CALD1: variants seen among roughly 807,000 people sequenced by gnomAD.
CALD1 encodes caldesmon.
Under a neutral mutation model 99.9 loss-of-function variants are expected in CALD1, and 33 were observed. That is an observed-to-expected ratio of 0.33 (90% CI 0.25 to 0.44). The LOEUF is 0.44. Among genes scored for constraint, CALD1 ranks in the 20% least tolerant of loss-of-function variants. The probability of loss-of-function intolerance (pLI) is 1.00; values close to 1 mark genes in which losing one functional copy is unlikely to be tolerated. For synonymous variants in CALD1, 310 were observed against 325.0 expected (o/e 0.95, Z 0.50); for missense variants, 861 against 962.1 (o/e 0.89, Z 1.39).
chr7:134,911,921 A>G (rs762912960), intron 3 of CALD1, among the ~76,000 whole-genome samples: 6 of 152,212 alleles, frequency 3.9e-5, no homozygotes, highest in Admixed American at 3.3e-4. Flanking sequence ...AACTGGAACA[A>G]CCACAGAGAT....
At chr7:134,965,054 C>T (rs1161889149) in intron 13 of CALD1, among the ~76,000 whole-genome samples, 4 of 151,936 alleles carry the variant, frequency 2.6e-5, no homozygotes, top group South Asian at 4.2e-4. Flanking sequence ...AGATGGAGGT[C>T]GCAGTGAGCC....
intron 2 of CALD1, among the ~76,000 whole-genome samples, chr7:134,859,368 G>T (rs542384697): frequency 1.3e-5 from 2 of 152,264 alleles, no homozygotes; most frequent in South Asian, 4.1e-4. Context: ...TTGCCTTAGG[G>T]TTTACGCTTG....
chr7:134,825,981 CTAGTT>C (rs1798974668), intron 1 of CALD1, among the ~76,000 whole-genome samples: 1 of 152,068 alleles, frequency 6.6e-6, no homozygotes, highest in South Asian at 2.1e-4. Flanking sequence ...CCTACACACT[CTAGTT>C]TAGCCCTTTC....
At chr7:134,964,475 C>T (rs1365469288) in intron 13 of CALD1, among the ~76,000 whole-genome samples, 2 of 152,166 alleles carry the variant, frequency 1.3e-5, no homozygotes, top group Non-Finnish European at 1.5e-5. Context: ...AATAATATTG[C>T]ACCAACATTC....
At chr7:134,832,839 T>A (rs1039206629) in intron 1 of CALD1, among the ~76,000 whole-genome samples, 5 of 152,268 alleles carry the variant, frequency 3.3e-5, no homozygotes, top group Non-Finnish European at 7.3e-5. Context: ...GTAGCTCTGC[T>A]CAAGGTTCTG....
At chr7:134,925,908 C>G (rs1285422676) in intron 3 of CALD1, among the ~76,000 whole-genome samples, 2 of 152,168 alleles carry the variant, frequency 1.3e-5, no homozygotes, top group Non-Finnish European at 2.9e-5. Context: ...ATTGAGACTT[C>G]CTGTTTGATT....
intron 2 of CALD1, among the ~76,000 whole-genome samples, chr7:134,859,800 C>T (rs2132272670): frequency 6.6e-6 from 1 of 152,260 alleles, no homozygotes; most frequent in East Asian, 1.9e-4. Flanking sequence ...CCTAAAGTCC[C>T]TAAACATGGT....
chr7:134,751,804 T>C (rs1233191119), intron 1 of CALD1, among the ~76,000 whole-genome samples: 1 of 151,978 alleles, frequency 6.6e-6, no homozygotes, highest in African/African-American at 2.4e-5. Flanking sequence ...GGCGAAACCC[T>C]ATCTCTACCA....
intron 6 of CALD1, among the ~76,000 whole-genome samples, chr7:134,937,636 CAA>C (rs564323364): frequency 5.1e-5 from 5 of 97,270 alleles, no homozygotes; most frequent in Admixed American, 1.1e-4. Flanking sequence ...CCTTTTTGTA[CAA>C]AAAAAAAAAA....
chr7:134,935,786 A>G, intron 6 of CALD1, 21 bp downstream of exon 6: 1 of 1,560,586 alleles, frequency 6.4e-7, no homozygotes, highest in South Asian at 1.2e-5. Context: ...TTGAAAAGTA[A>G]TGATCGTAAA....
At chr7:134,868,673 G>A (rs550908680) in intron 3 of CALD1, among the ~76,000 whole-genome samples, 2 of 152,284 alleles carry the variant, frequency 1.3e-5, no homozygotes, top group East Asian at 3.9e-4. Flanking sequence ...TTGTTCTTAT[G>A]TTCTACTTAT....
At chr7:134,911,428 C>T (rs1803804848) in intron 3 of CALD1, among the ~76,000 whole-genome samples, 1 of 152,036 alleles carries the variant, frequency 6.6e-6, no homozygotes, top group African/African-American at 2.4e-5. Flanking sequence ...TGGGGATGAC[C>T]TTCTCCCGCC....
intron 1 of CALD1, among the ~76,000 whole-genome samples, chr7:134,814,228 C>T (rs755695638): frequency 7.2e-5 from 11 of 151,950 alleles, no homozygotes; most frequent in African/African-American, 2.7e-4. Flanking sequence ...CTATAAATCA[C>T]GAGAGGAAGT....
intron 3 of CALD1, among the ~76,000 whole-genome samples, chr7:134,877,378 C>G (rs1388356529): frequency 1.3e-5 from 2 of 152,122 alleles, no homozygotes; most frequent in Non-Finnish European, 2.9e-5. Flanking sequence ...AAGAAAATTA[C>G]CTTTTTATTA....
At chr7:134,813,678 T>C (rs1798446749) in intron 1 of CALD1, among the ~76,000 whole-genome samples, 1 of 152,130 alleles carries the variant, frequency 6.6e-6, no homozygotes, top group East Asian at 1.9e-4. Context: ...AGCAGGAGGT[T>C]TGGAGACTTC....
At chr7:134,808,511 T>G (rs1271442429) in intron 1 of CALD1, among the ~76,000 whole-genome samples, 1 of 152,234 alleles carries the variant, frequency 6.6e-6, no homozygotes, top group Non-Finnish European at 1.5e-5. Context: ...CCAGCTCATG[T>G]TCTAGTCAGG....
At chr7:134,867,979 A>G (rs1800881025) in intron 3 of CALD1, 175 bp downstream of exon 3, 2 of 426,306 alleles carry the variant, frequency 4.7e-6, no homozygotes, top group Admixed American at 8.3e-5. Context: ...TTAAAAAAGG[A>G]AAACAAACAA....
chr7:134,906,216 C>T (rs1803371761), intron 3 of CALD1, among the ~76,000 whole-genome samples: 1 of 152,152 alleles, frequency 6.6e-6, no homozygotes, highest in Non-Finnish European at 1.5e-5. Context: ...AGGCATGAGC[C>T]ACCATGCCTG....
At chr7:134,767,283 C>G (rs1442840671) in intron 1 of CALD1, among the ~76,000 whole-genome samples, 1 of 151,870 alleles carries the variant, frequency 6.6e-6, no homozygotes, top group African/African-American at 2.4e-5. Context: ...TTAGACGCAT[C>G]TATATCACAC....
Sources: gnomAD v4.1 joint callset for allele counts (sites outside exome capture counted in the v4.1 genomes callset) on GRCh38, gnomAD v4.1.1 for gene constraint, MANE v1.5 for transcripts, NCBI Gene and HGNC (gene_info 2026-07-23, HGNC 2026-07-21) for gene names.